The following ZNF723 variants were observed in gnomAD, a reference collection of about 807,000 sequenced individuals.
ZNF723 encodes the protein zinc finger protein 723, pseudogene.
A neutral mutation model predicts 9.4 loss-of-function variants in ZNF723; 5 were observed. The ratio of observed to expected loss-of-function variants is 0.53; its 90% confidence interval spans 0.28 to 1.12. ZNF723 has a LOEUF of 1.12. ZNF723 is among the 50% of genes most tolerant of loss of function. ZNF723 has a pLI of 0.10. For synonymous variants in ZNF723, 158 were observed against 168.8 expected, an observed-to-expected ratio of 0.94 and a Z score of 0.49; for missense variants, 450 against 501.5, an observed-to-expected ratio of 0.90 and a Z score of 0.98.
At chr19:22,845,551 G>A (rs1010985788) in intron 1 of ZNF723, among the ~76,000 whole-genome samples, 2 of 152,102 alleles carry the variant, frequency 1.3e-5, no homozygotes, top group Non-Finnish European at 2.9e-5. Flanking sequence ...GTTTGGGTTT[G>A]GTATGGACAG....
At chr19:22,814,701 T>C in the ZNF723 span, among the ~76,000 whole-genome samples, 1 of 152,170 alleles carries the variant, frequency 6.6e-6, no homozygotes, top group Admixed American at 6.5e-5. Context: ...CCCTAGACCT[T>C]CTTGCACATG....
In ZNF723 at chr19:22,857,120, G is replaced by A. The variant is rs551407957; in HGVS notation, c.229G>A (p.Val77Met). Reference protein sequence around the residue: ...RHKMVAKPPVVCSHFAQDLWP... With the variant: ...RHKMVAKPPVMCSHFAQDLWP... ...TTTGTTATTTCTATTTTTTTCAGTT[G>A]TGTGTTCTCATTTTGCCCAAGACCT... is the stretch of plus-strand genomic sequence containing the variant. Residue 77 changes from valine (V) to methionine (M), a missense_variant and splice_region_variant, in exon 4 of 4, where the codon GTG becomes ATG. This residue lies in a region of ZNF723 where 143 missense variants were observed against 101.3 expected (regional missense o/e 1.41). Transcript: ENST00000600766. The A allele has an allele frequency of 4.4e-4, 415 of 946,656 alleles. 1 individual carries two copies. Among genetic ancestry groups the A allele is most frequent in the Middle Eastern group, 3.6e-3 (16 of 4,488 alleles). The allele number at this position is 946,656 out of a possible 1,614,324, so 58.6% of individuals were successfully genotyped here.
At chr19:22,854,656 CA>C (rs1361162495) in intron 3 of ZNF723, among the ~76,000 whole-genome samples, 2 of 151,920 alleles carry the variant, frequency 1.3e-5, no homozygotes, top group Non-Finnish European at 2.9e-5. Flanking sequence ...TTCATCTAAA[CA>C]TATATTCTTT....
chr19:22,831,196 G>T (rs1967089401), upstream of ZNF723, among the ~76,000 whole-genome samples: 1 of 152,230 alleles, frequency 6.6e-6, no homozygotes, highest in African/African-American at 2.4e-5. Flanking sequence ...GTAGAAACCT[G>T]AGAACCGACA....
chr19:22,838,152 T>G (rs1003108917), intron 1 of ZNF723, among the ~76,000 whole-genome samples: 3 of 152,328 alleles, frequency 2.0e-5, no homozygotes, highest in Non-Finnish European at 4.4e-5. Flanking sequence ...CAGATTTTTG[T>G]TTTTTAATCT....
At chr19:22,827,693 C>T (rs1967052368), upstream of ZNF723, among the ~76,000 whole-genome samples, 1 of 152,096 alleles carries the variant, frequency 6.6e-6, no homozygotes, top group African/African-American at 2.4e-5. Flanking sequence ...AGGTAATCTG[C>T]CTGCCTCGGC....
chr19:22,843,812 T>G (rs1967276013), intron 1 of ZNF723, among the ~76,000 whole-genome samples: 1 of 152,152 alleles, frequency 6.6e-6, no homozygotes, highest in Admixed American at 6.5e-5. Context: ...CTAGAGAACC[T>G]TAAGACATTT....
At chr19:22,828,325 C>T (rs1348215180), upstream of ZNF723, among the ~76,000 whole-genome samples, 1 of 152,100 alleles carries the variant, frequency 6.6e-6, no homozygotes, top group East Asian at 1.9e-4. Flanking sequence ...CACACTCTGA[C>T]CTACGTAAGA....
In ZNF723 at chr19:22,857,565, G is replaced by A; in HGVS notation, c.674G>A (p.Gly225Glu). 1 of 1,342,074 alleles carries A rather than the reference G, an allele frequency of 7.5e-7. No homozygotes were observed. Among genetic ancestry groups the A allele is most frequent in the Non-Finnish European group, 1.1e-6 (1 of 933,132 alleles). The allele number at this position is 1,342,074 out of a possible 1,614,324, so 83.1% of individuals were successfully genotyped here. A position where few individuals can be genotyped will look rare whatever the true frequency, so the allele number is the denominator to read the frequency against. The change falls in exon 4 of 4, where the codon GGA becomes GAA. Residue 225 changes from glycine to glutamate, a missense_variant. Transcript: ENST00000600766. ...AATAATCATAAGAGAATTCATACTG[G>A]AGAGAAACCCTACAAATGTGAAGAA... is the stretch of plus-strand genomic sequence containing the variant. The part of the protein sequence containing the change: ...KLNNHKRIHT[G>E]EKPYKCEECG...
At chr19:22,828,687 T>C (rs1967062919), upstream of ZNF723, among the ~76,000 whole-genome samples, 1 of 151,968 alleles carries the variant, frequency 6.6e-6, no homozygotes, top group South Asian at 2.1e-4. Flanking sequence ...TTGGAGGCCA[T>C]CGTTCTAAAC....
the ZNF723 span, among the ~76,000 whole-genome samples, chr19:22,826,168 C>T: frequency 5.9e-5 from 9 of 152,068 alleles, no homozygotes; most frequent in African/African-American, 2.2e-4. Flanking sequence ...TTTCACTAGG[C>T]CCAGCATTTA....
chr19:22,825,411 G>A, the ZNF723 span, among the ~76,000 whole-genome samples: 2 of 152,336 alleles, frequency 1.3e-5, 1 homozygote, highest in Non-Finnish European at 2.9e-5. Context: ...CTTCATGAAT[G>A]TGTGATTTTT....
At chr19:22,848,050 C>T (rs1181946868) in intron 1 of ZNF723, among the ~76,000 whole-genome samples, 4 of 150,440 alleles carry the variant, frequency 2.7e-5, no homozygotes, top group South Asian at 2.1e-4. Context: ...TGCAGTGAGC[C>T]GAAATTGCAC....
chr19:22,834,827 G>GA (rs1017984279), intron 1 of ZNF723, among the ~76,000 whole-genome samples: 17 of 149,642 alleles, frequency 1.1e-4, no homozygotes, highest in African/African-American at 2.0e-4. Flanking sequence ...TAAGATTTGT[G>GA]AAAAAAAAAT....
intron 1 of ZNF723, among the ~76,000 whole-genome samples, chr19:22,838,038 TTTG>T (rs149185984): frequency 1.8e-3 from 278 of 152,238 alleles, no homozygotes; most frequent in Middle Eastern, 6.8e-3. Context: ...AACTCTTATT[TTTG>T]TTTTAGGGGT....
At chr19:22,829,950 G>T (rs190032008), upstream of ZNF723, among the ~76,000 whole-genome samples, 2 of 152,236 alleles carry the variant, frequency 1.3e-5, no homozygotes, top group East Asian at 1.9e-4. Context: ...CTATGCTGGA[G>T]TATCTCTGAG....
chr19:22,841,589 T>TAG (rs1967246236), intron 1 of ZNF723, among the ~76,000 whole-genome samples: 1 of 152,262 alleles, frequency 6.6e-6, no homozygotes, highest in Non-Finnish European at 1.5e-5. Flanking sequence ...AGCTTTACTC[T>TAG]AGAGGAGACT....
chr19:22,836,048 A>G (rs1211923210), intron 1 of ZNF723, among the ~76,000 whole-genome samples: 1 of 145,110 alleles, frequency 6.9e-6, no homozygotes. Context: ...TTAGTTTTAA[A>G]AACTGAGTAA....
In ZNF723 at chr19:22,858,437, T is replaced by C. The variant is rs1967517070; in HGVS notation, c.*4T>C. 2.5e-5 allele frequency: 17 copies of C among 675,666 alleles called. No homozygotes were observed. The South Asian group carries it at 3.0e-4, about 12-fold the overall frequency. The allele number at this position is 675,666 out of a possible 1,614,324, so 41.9% of individuals were successfully genotyped here. ...ATCACAAACCTTAAAGATGTGACAA[T>C]GCTTTTTATGAAATCCCAAACTTTT... On this transcript the variant is annotated 3_prime_UTR_variant, in exon 4 of 4. Coordinates refer to ENST00000600766, the MANE Select transcript of ZNF723 (RefSeq NM_001349726.2).
Sources: allele counts gnomAD v4.1 joint callset (sites outside exome capture counted in the v4.1 genomes callset), GRCh38; gene constraint gnomAD v4.1.1; regional missense constraint gnomAD v4.1.1; transcripts MANE v1.5; gene names NCBI Gene and HGNC (gene_info 2026-07-23, HGNC 2026-07-21).